PARVA: variants seen among roughly 807,000 people sequenced by gnomAD.
The protein encoded by PARVA is parvin alpha.
A neutral mutation model predicts 52.6 loss-of-function variants in PARVA; 25 were observed. The observed-to-expected ratio is 0.48, with a 90% CI of 0.35 to 0.66. The LOEUF is 0.66. Ranked by LOEUF, PARVA falls within the 30% of genes least tolerant of loss-of-function variation. The probability of loss-of-function intolerance (pLI) is 0.01; values close to 1 mark genes in which losing one functional copy is unlikely to be tolerated. For missense variants in PARVA, 373 were observed against 450.9 expected, an observed-to-expected ratio of 0.83 and a Z score of 1.56; for synonymous variants, 185 against 179.1, an observed-to-expected ratio of 1.03 and a Z score of -0.26.
chr11:12,427,486 C>T (rs1407927195), intron 1 of PARVA, among the ~76,000 whole-genome samples: 1 of 152,142 alleles, frequency 6.6e-6, no homozygotes, highest in Non-Finnish European at 1.5e-5. Flanking sequence ...CAGTTATCAG[C>T]GTTAAGGATG....
chr11:12,494,640 T>C (rs1941274519), intron 4 of PARVA, among the ~76,000 whole-genome samples: 1 of 151,952 alleles, frequency 6.6e-6, no homozygotes, highest in South Asian at 2.1e-4. Context: ...ATATTTCTTC[T>C]TATGTCACAC....
At chr11:12,513,563 G>C (rs956576566) in intron 9 of PARVA, 4 of 693,890 alleles carry the variant, frequency 5.8e-6, no homozygotes, top group African/African-American at 1.8e-5. Context: ...CCCTCCATCA[G>C]CATGAACAGC....
At chr11:12,467,389 C>T (rs1245099989) in intron 1 of PARVA, among the ~76,000 whole-genome samples, 2 of 152,126 alleles carry the variant, frequency 1.3e-5, no homozygotes, top group African/African-American at 2.4e-5. Context: ...TGTTATTGTA[C>T]TAAGATTTCT....
At chr11:12,386,604 G>A (rs1939575496) in intron 1 of PARVA, among the ~76,000 whole-genome samples, 1 of 152,106 alleles carries the variant, frequency 6.6e-6, no homozygotes, top group African/African-American at 2.4e-5. Flanking sequence ...CAAACACACA[G>A]TTATTAGAAT....
chr11:12,484,808 C>CT (rs1177057401), intron 4 of PARVA, among the ~76,000 whole-genome samples: 1,915 of 102,608 alleles, frequency 0.019, 35 homozygotes, highest in Non-Finnish European at 0.026. Flanking sequence ...TTTTTGTTGA[C>CT]TTTTTTTTTT....
At chr11:12,499,062 C>A (rs1016471541) in intron 5 of PARVA, among the ~76,000 whole-genome samples, 46 of 152,172 alleles carry the variant, frequency 3.0e-4, no homozygotes, top group African/African-American at 1.1e-3. Flanking sequence ...CAACCTATTT[C>A]TAATATCAGA....
chr11:12,452,962 C>G (rs1940644052), intron 1 of PARVA: 1 of 455,898 alleles, frequency 2.2e-6, no homozygotes, highest in African/African-American at 2.0e-5. Context: ...AGGGGGTCAG[C>G]TCTGGGCAGA....
intron 4 of PARVA, among the ~76,000 whole-genome samples, chr11:12,482,761 G>A (rs895486931): frequency 1.3e-5 from 2 of 152,138 alleles, no homozygotes; most frequent in African/African-American, 4.8e-5. Context: ...CTTGTGCAGG[G>A]GAACTCCCAT....
At chr11:12,394,574 A>G (rs1041698304) in intron 1 of PARVA, among the ~76,000 whole-genome samples, 1 of 152,182 alleles carries the variant, frequency 6.6e-6, no homozygotes, top group Non-Finnish European at 1.5e-5. Flanking sequence ...CAAGGTAAAG[A>G]TGGAATCAAG....
chr11:12,391,524 T>C (rs879940689), intron 1 of PARVA, among the ~76,000 whole-genome samples: 3 of 152,348 alleles, frequency 2.0e-5, no homozygotes, highest in Middle Eastern at 6.8e-3. Context: ...CCTGCTTGTA[T>C]CTCTGGGGTT....
intron 1 of PARVA, among the ~76,000 whole-genome samples, chr11:12,444,477 C>T (rs1940518003): frequency 1.3e-5 from 2 of 151,942 alleles, no homozygotes; most frequent in Admixed American, 6.6e-5. Flanking sequence ...TAGGGTCTCA[C>T]TCTGTTGCCC....
intron 1 of PARVA, among the ~76,000 whole-genome samples, chr11:12,409,734 G>T (rs1939967068): frequency 2.0e-5 from 3 of 152,200 alleles, no homozygotes; most frequent in Admixed American, 2.0e-4. Context: ...GTTGATTTTA[G>T]CTCGACTTCT....
At position 12,532,437 on chromosome 11, in the gene PARVA, A is replaced by G. The variant is rs1456974793; in HGVS notation, c.*4512A>G. ...CCAATCTTGTTTGATCACAGGATGT[A>G]TCTGTCCCCTGAGAAATTTCTAGGA... On this transcript the variant is annotated 3_prime_UTR_variant, in exon 13 of 13. Transcript: ENST00000334956. 6.6e-6 allele frequency among the ~76,000 whole-genome samples: 1 copy of G among 152,166 alleles called. No individual in the cohort carries two copies. The highest frequency in any genetic ancestry group is 1.5e-5 in the Non-Finnish European group (1 of 68,032).
At chr11:12,400,496 C>G (rs1258201872) in intron 1 of PARVA, among the ~76,000 whole-genome samples, 1 of 152,174 alleles carries the variant, frequency 6.6e-6, no homozygotes, top group African/African-American at 2.4e-5. Context: ...TTCTCTTTTT[C>G]TCTGCTCTTG....
rs576075413 is a variant in PARVA at position 12,457,404 on chromosome 11, G to A, written c.137-16341G>A. On this transcript the variant is annotated intron_variant, in intron 1 of 12. Coordinates refer to ENST00000334956, the MANE Select transcript of PARVA (RefSeq NM_018222.5). ...GTCCATGGATTTCCAGTTGCTGACA[G>A]GGCTTAGTCATTCATGCTAAAGAGG... Among the ~76,000 whole-genome samples, 4 of 152,318 alleles carry A rather than the reference G, an allele frequency of 2.6e-5. No individual in the cohort carries two copies. In the South Asian group the frequency reaches 8.3e-4, roughly 32 times the overall value.
At position 12,534,951 on chromosome 11, in the gene PARVA, G is replaced by T. The variant is rs1941816883; in HGVS notation, c.*7026G>T. ...GGAGAATGTACACTCTCACTGAACT[G>T]GGGATGTTTGACTTAAAATGATGGA... On this transcript the variant is annotated 3_prime_UTR_variant, in exon 13 of 13. Transcript: ENST00000334956. Among the ~76,000 whole-genome samples the T allele has an allele frequency of 1.3e-5, 2 of 152,208 alleles. No homozygotes were observed. Among genetic ancestry groups the T allele is most frequent in the Admixed American group, 1.3e-4 (2 of 15,286 alleles).
intron 12 of PARVA, among the ~76,000 whole-genome samples, chr11:12,524,171 C>A (rs776374256): frequency 2.0e-5 from 3 of 152,224 alleles, no homozygotes; most frequent in African/African-American, 7.2e-5. Flanking sequence ...CACGGCTATA[C>A]ATAGCAGCTC....
chr11:12,416,490 C>A (rs1344792524), intron 1 of PARVA, among the ~76,000 whole-genome samples: 1 of 152,110 alleles, frequency 6.6e-6, no homozygotes, highest in Non-Finnish European at 1.5e-5. Flanking sequence ...TCCACAGAAC[C>A]TAAATAATGA....
At chr11:12,473,701 C>T (rs76849829) in intron 1 of PARVA, 44 bp from the exon 2 acceptor site, 55,034 of 1,433,114 alleles carry the variant, frequency 0.038, 1,239 homozygotes, top group Middle Eastern at 0.069. Context: ...AACCCCCTGC[C>T]GTCCGTCAGC....
Sources: allele counts gnomAD v4.1 joint callset (sites outside exome capture counted in the v4.1 genomes callset), GRCh38; gene constraint gnomAD v4.1.1; transcripts MANE v1.5; gene names NCBI Gene and HGNC (gene_info 2026-07-23, HGNC 2026-07-21).